The following DNAH8 variants were observed in gnomAD, a reference collection of about 807,000 sequenced individuals.
DNAH8 encodes the protein axonemal beta dynein heavy chain 8.
Under a neutral mutation model 562.1 loss-of-function variants are expected in DNAH8, and 382 were observed. That is an observed-to-expected ratio of 0.68 (90% CI 0.63 to 0.74). The LOEUF (loss-of-function observed/expected upper bound fraction) is 0.74. Among genes scored for constraint, DNAH8 ranks in the 30% least tolerant of loss-of-function variants. DNAH8 has a pLI of 0.00. For synonymous variants in DNAH8, 1,881 were observed against 1,919.4 expected, an observed-to-expected ratio of 0.98 and a Z score of 0.52; for missense variants, 5,203 against 5,620.4, an observed-to-expected ratio of 0.93 and a Z score of 2.37.
chr6:38,932,530 T>C (rs113717661), intron 76 of DNAH8, among the ~76,000 whole-genome samples: 1,961 of 152,314 alleles, frequency 0.013, 36 homozygotes, highest in Middle Eastern at 0.037. Flanking sequence ...GATACAAGAT[T>C]AAACTAATTT....
At chr6:39,021,208 A>G (rs1583582023) in intron 91 of DNAH8, among the ~76,000 whole-genome samples, 1 of 152,054 alleles carries the variant, frequency 6.6e-6, no homozygotes, top group Non-Finnish European at 1.5e-5. Flanking sequence ...TTGACCTTGG[A>G]CCTTTGCTAC....
At chr6:38,741,689 T>G (rs1764531351) in intron 7 of DNAH8, 22 bp from the exon 8 acceptor site, 1 of 1,560,326 alleles carries the variant, frequency 6.4e-7, no homozygotes, top group African/African-American at 1.4e-5. Context: ...TTTCTATATT[T>G]TATAAATTTT....
Position 38,822,885 on chromosome 6 carries a change from C to G in DNAH8, c.3571C>G (p.Pro1191Ala), listed in dbSNP as rs150925022. The G allele has an allele frequency of 1.1e-4, 171 of 1,603,612 alleles. 1 individual carries two copies. The highest frequency in any genetic ancestry group is 3.3e-4 in the Middle Eastern group (2 of 5,998). The change falls in exon 27 of 93, where the codon CCG (proline) becomes GCG (alanine). Residue 1191 changes from proline (P) to alanine (A), a missense_variant. Transcript: ENST00000327475. ...IPARKLKNFY[P>A]GVAEHKDISK... ...TGCGAGGAAGCTGAAGAATTTTTAC[C>G]CGGGGGTAGCGGAGCACAAGGATAT...
chr6:39,004,449 A>C (rs1765675620), intron 88 of DNAH8, among the ~76,000 whole-genome samples: 1 of 152,154 alleles, frequency 6.6e-6, no homozygotes, highest in South Asian at 2.1e-4. Context: ...CTCCTTTCTA[A>C]AGTATACTCC....
At chr6:38,850,196 G>T in intron 37 of DNAH8, 55 bp from the exon 38 acceptor site, 3 of 1,546,312 alleles carry the variant, frequency 1.9e-6, no homozygotes, top group Non-Finnish European at 2.6e-6. Context: ...TGAAGACTTT[G>T]CTTTTTTTCA....
At chr6:38,992,747 T>C (rs1764879700) in intron 88 of DNAH8, among the ~76,000 whole-genome samples, 2 of 152,028 alleles carry the variant, frequency 1.3e-5, no homozygotes, top group African/African-American at 2.4e-5. Context: ...TCAAGAAAGA[T>C]GAAACAGGGC....
At position 38,791,665 on chromosome 6, in the gene DNAH8, C is replaced by A; in HGVS notation, c.2892C>A (p.Thr964=). 2 of 1,613,332 alleles carry A rather than the reference C, an allele frequency of 1.2e-6. No individual in the cohort carries two copies. The highest frequency in any genetic ancestry group is 1.7e-4 in the Middle Eastern group (1 of 6,052). Residue 964 remains threonine, a synonymous_variant, in exon 21 of 93, where the codon ACC becomes ACA. Coordinates refer to ENST00000327475, the MANE Select transcript of DNAH8 (RefSeq NM_001206927.2). ...CTACCAAAGTAGAAGATATGTTGAC[C>A]CTCAATGAGGTATGCATTTGTTCAT... ...SGATKVEDML[T]LNETYTKEWA...
intron 37 of DNAH8, 22 bp downstream of exon 37, chr6:38,848,823 A>T: frequency 6.2e-7 from 1 of 1,608,980 alleles, no homozygotes; most frequent in South Asian, 1.1e-5. Context: ...TTTTGTAATT[A>T]CTGATAAAAT....
In DNAH8 at chr6:38,929,620, A is replaced by C. The variant is rs1271025231; in HGVS notation, c.11228A>C (p.Asp3743Ala). The C allele has an allele frequency of 1.2e-6, 2 of 1,608,164 alleles. No homozygotes were observed. The highest frequency in any genetic ancestry group is 1.7e-6 in the Non-Finnish European group (2 of 1,177,284). The change falls in exon 75 of 93, where the codon GAT (aspartate) becomes GCT (alanine). Residue 3743 changes from aspartate to alanine, a missense_variant. Physicochemically the swap from Asp to Ala is moderately radical, Grantham distance 126. This residue lies in a region of DNAH8 where 1,399 missense variants were observed against 1,518.4 expected (regional missense o/e 0.92). Coordinates refer to ENST00000327475, the MANE Select transcript of DNAH8 (RefSeq NM_001206927.2). ...CATGAAGAGCTGGATCCAGCCTTGG[A>C]TAATGTATTAGAAAAGAATTTTATT... ...DIHEELDPALDNVLEKNFIKS... is the reference protein window; with the variant it reads ...DIHEELDPALANVLEKNFIKS...
intron 79 of DNAH8, among the ~76,000 whole-genome samples, chr6:38,945,172 T>C (rs1324103808): frequency 6.6e-6 from 1 of 152,174 alleles, no homozygotes; most frequent in Non-Finnish European, 1.5e-5. Flanking sequence ...TTATAAGTTT[T>C]AGGTTGTTAA....
At chr6:38,751,082 C>T (rs1238351085) in intron 9 of DNAH8, among the ~76,000 whole-genome samples, 4 of 152,152 alleles carry the variant, frequency 2.6e-5, no homozygotes, top group Non-Finnish European at 5.9e-5. Context: ...TTCTGTGGCT[C>T]AGGAATCCAA....
At chr6:39,020,285 T>C (rs536890787) in intron 91 of DNAH8, among the ~76,000 whole-genome samples, 1 of 152,262 alleles carries the variant, frequency 6.6e-6, no homozygotes, top group Admixed American at 6.5e-5. Context: ...CTTCTTAATA[T>C]TGTGCCTGTA....
intron 1 of DNAH8, among the ~76,000 whole-genome samples, chr6:38,715,949 TATATATATA>T (rs1762284964): frequency 4.7e-4 from 12 of 25,314 alleles, no homozygotes; most frequent in South Asian, 1.7e-3. Context: ...TATATATATA[TATATATATA>T]TATTTTTTTT....
At position 38,789,887 on chromosome 6, in the gene DNAH8, G is replaced by A. The variant is rs949512638; in HGVS notation, c.2664+4G>A. 2.5e-6 allele frequency: 4 copies of A among 1,602,902 alleles called. No individual in the cohort carries two copies. Among genetic ancestry groups the A allele is most frequent in the Admixed American group, 1.7e-5 (1 of 59,546 alleles). ...GATGACCCCAAAAATGAAAAAGGTT[G>A]GTATTGCTGAAGGTTTGTATTGATT... On this transcript the variant is annotated splice_donor_region_variant and intron_variant, in intron 19 of 92. Transcript: ENST00000327475.
At chr6:38,780,110 GA>G (rs538246335) in intron 15 of DNAH8, 45 bp downstream of exon 15, 37 of 1,560,520 alleles carry the variant, frequency 2.4e-5, no homozygotes, top group Non-Finnish European at 2.5e-5. Flanking sequence ...AGCACAAAAA[GA>G]AAAAAAATCT....
At chr6:38,969,641 G>C (rs1340918752) in intron 82 of DNAH8, among the ~76,000 whole-genome samples, 1 of 148,756 alleles carries the variant, frequency 6.7e-6, no homozygotes. Flanking sequence ...TGGGCCTGGG[G>C]AGGAGGCTGT....
At chr6:38,958,005 GT>G (rs1762363546) in intron 82 of DNAH8, among the ~76,000 whole-genome samples, 1 of 151,570 alleles carries the variant, frequency 6.6e-6, no homozygotes, top group African/African-American at 2.4e-5. Flanking sequence ...ATACAATAGT[GT>G]TTTGTTTTGT....
intron 22 of DNAH8, among the ~76,000 whole-genome samples, chr6:38,805,078 A>C (rs1224764503): frequency 6.6e-6 from 1 of 152,194 alleles, no homozygotes; most frequent in East Asian, 1.9e-4. Flanking sequence ...ATGAGTATGC[A>C]CATCACATCT....
intron 41 of DNAH8, among the ~76,000 whole-genome samples, chr6:38,857,064 C>T (rs932356192): frequency 1.3e-5 from 2 of 152,012 alleles, no homozygotes; most frequent in African/African-American, 4.8e-5. Flanking sequence ...GAAAAGTAGA[C>T]GTAGATAAAA....
Sources: allele counts gnomAD v4.1 joint callset (sites outside exome capture counted in the v4.1 genomes callset), GRCh38; gene constraint gnomAD v4.1.1; regional missense constraint gnomAD v4.1.1; transcripts MANE v1.5; gene names NCBI Gene and HGNC (gene_info 2026-07-23, HGNC 2026-07-21).